Variants in LRBA observed in about 807,000 individuals in gnomAD.
The protein encoded by LRBA is LPS responsive beige-like anchor protein.
Under a neutral mutation model 330.0 loss-of-function variants are expected in LRBA, and 176 were observed. That is an observed-to-expected ratio of 0.53 (90% CI 0.47 to 0.60). The LOEUF is 0.60. LRBA is among the 20% of genes least tolerant of loss of function. The pLI, the probability that LRBA is intolerant of heterozygous loss-of-function variation, is 0.00. For synonymous variants in LRBA, 1,230 were observed against 1,193.0 expected (o/e 1.03, Z -0.64); for missense variants, 3,259 against 3,444.8 (o/e 0.95, Z 1.35).
At chr4:150,516,536 A>G (rs986073400) in intron 40 of LRBA, among the ~76,000 whole-genome samples, 3 of 152,082 alleles carry the variant, frequency 2.0e-5, no homozygotes, top group Admixed American at 1.3e-4. Context: ...CTATTTCATG[A>G]TAAAGGGTTA....
intron 35 of LRBA, among the ~76,000 whole-genome samples, chr4:150,751,451 TC>T (rs888627791): frequency 3.3e-5 from 5 of 152,078 alleles, no homozygotes; most frequent in African/African-American, 1.2e-4. Flanking sequence ...TTTTTGCTAT[TC>T]TAAGGGGTCA....
chr4:150,389,127 TCACAA>T (rs1246686693), intron 47 of LRBA, among the ~76,000 whole-genome samples: 1 of 152,134 alleles, frequency 6.6e-6, no homozygotes, highest in African/African-American at 2.4e-5. Flanking sequence ...TCCAAAAGAA[TCACAA>T]CACAAGATTA....
At chr4:150,423,295 C>T in intron 46 of LRBA, 1 of 804,464 alleles carries the variant, frequency 1.2e-6, no homozygotes, top group South Asian at 1.6e-5. Flanking sequence ...TCCCTTCAAA[C>T]ATTCCTAATC....
intron 37 of LRBA, among the ~76,000 whole-genome samples, chr4:150,609,321 C>T (rs1319246194): frequency 6.6e-6 from 1 of 152,148 alleles, no homozygotes; most frequent in African/African-American, 2.4e-5. Flanking sequence ...GTGGTTGAGA[C>T]AAGAGTTCTT....
chr4:150,792,486 C>A (rs946586827), intron 34 of LRBA, among the ~76,000 whole-genome samples: 1 of 152,048 alleles, frequency 6.6e-6, no homozygotes, highest in Non-Finnish European at 1.5e-5. Context: ...ATAAATTATA[C>A]CTCAATAAAG....
rs577209673 is a variant in LRBA, at chr4:150,556,244, T to C, written c.6330+31804A>G. On this transcript the variant is annotated intron_variant, in intron 40 of 56. Coordinates refer to ENST00000651943, the MANE Select transcript of LRBA (RefSeq NM_001364905.1). ...TACAGTTAACACTTATTTTTATACA[T>C]TTGTTCTAAATATTCAAAAAACTAA... Among the ~76,000 whole-genome samples, 24 of 152,342 alleles carry C rather than the reference T, an allele frequency of 1.6e-4. No individual in the cohort carries two copies. The South Asian group carries it at 4.8e-3, about 30-fold the overall frequency.
intron 40 of LRBA, among the ~76,000 whole-genome samples, chr4:150,528,662 G>A (rs78339603): frequency 6.6e-6 from 1 of 152,020 alleles, no homozygotes; most frequent in Non-Finnish European, 1.5e-5. Context: ...CAAGGAACGA[G>A]GTAGAGGATT....
rs372949000 is a variant in LRBA at position 150,282,566 on chromosome 4, G to A, written c.8200C>T (p.Leu2734Phe). 1.6e-4 allele frequency: 262 copies of A among 1,614,030 alleles called. 2 individuals carry two copies. In the South Asian group the frequency reaches 2.1e-3, roughly 13 times the overall value. The change falls in exon 55 of 57, where the codon CTC (leucine) becomes TTC (phenylalanine). Residue 2734 changes from leucine to phenylalanine, a missense_variant. Physicochemically the swap from Leu to Phe is conservative, Grantham distance 22. Transcript: ENST00000651943. ...TGACCCTCTCTTGAAGCCTGAATGA[G>A]TTTTGGTTTCAGGCAGTTTTCAGGA... ...EGPENCLKPK[L>F]IQASREGHCV...
At chr4:150,855,130 C>A (rs186441548) in intron 22 of LRBA, among the ~76,000 whole-genome samples, 7 of 152,252 alleles carry the variant, frequency 4.6e-5, no homozygotes, top group East Asian at 3.9e-4. Flanking sequence ...TGGTGGCACA[C>A]ACCTGTAATC....
chr4:150,718,698 T>C (rs946074733), intron 36 of LRBA, among the ~76,000 whole-genome samples: 3 of 152,158 alleles, frequency 2.0e-5, no homozygotes, highest in Non-Finnish European at 2.9e-5. Context: ...TCTTGTTTTA[T>C]TTAGAAATTT....
intron 40 of LRBA, among the ~76,000 whole-genome samples, chr4:150,546,023 G>A (rs1259329509): frequency 6.6e-6 from 1 of 151,986 alleles, no homozygotes; most frequent in African/African-American, 2.4e-5. Context: ...AAGCTCTGAA[G>A]GCATGTAAGA....
chr4:150,482,236 T>C (rs1757377224), intron 42 of LRBA, among the ~76,000 whole-genome samples: 1 of 152,134 alleles, frequency 6.6e-6, no homozygotes, highest in Non-Finnish European at 1.5e-5. Context: ...CTCTGTTTTC[T>C]GTCCCTAACA....
chr4:150,293,863 G>A (rs991176274), intron 53 of LRBA, among the ~76,000 whole-genome samples: 3 of 152,150 alleles, frequency 2.0e-5, no homozygotes, highest in Non-Finnish European at 4.4e-5. Context: ...TCTTTATGAT[G>A]ATCTACTTCC....
At chr4:150,867,070 T>A (rs1469244446) in intron 22 of LRBA, among the ~76,000 whole-genome samples, 3 of 144,650 alleles carry the variant, frequency 2.1e-5, no homozygotes, top group African/African-American at 5.2e-5. Context: ...CAAAAAAGAA[T>A]TTAAGCTATA....
intron 42 of LRBA, among the ~76,000 whole-genome samples, chr4:150,487,279 T>C (rs1409398503): frequency 1.3e-5 from 2 of 150,766 alleles, no homozygotes; most frequent in Non-Finnish European, 3.0e-5. Context: ...TATATATGTA[T>C]CTTTGAAAAG....
intron 40 of LRBA, among the ~76,000 whole-genome samples, chr4:150,504,388 T>A (rs982680857): frequency 1.3e-5 from 2 of 152,228 alleles, no homozygotes; most frequent in African/African-American, 2.4e-5. Flanking sequence ...GCCTAAAGGC[T>A]GATCTTTCAG....
chr4:150,275,342 T>TG (rs1553987407), intron 56 of LRBA, among the ~76,000 whole-genome samples: 4 of 152,058 alleles, frequency 2.6e-5, no homozygotes, highest in African/African-American at 4.8e-5. Flanking sequence ...GGGCAAAAAC[T>TG]GAAGCATTCC....
At chr4:150,867,085 A>G (rs1752801155) in intron 22 of LRBA, among the ~76,000 whole-genome samples, 2 of 151,132 alleles carry the variant, frequency 1.3e-5, no homozygotes, top group Admixed American at 6.6e-5. Context: ...GCTATATATA[A>G]ATAACTAAAC....
intron 36 of LRBA, among the ~76,000 whole-genome samples, chr4:150,717,503 A>ATTGTT (rs1728360229): frequency 6.6e-6 from 1 of 151,514 alleles, no homozygotes; most frequent in South Asian, 2.1e-4. Flanking sequence ...CAAAAAACAA[A>ATTGTT]ACAAAAATTA....
Sources: gnomAD v4.1 joint callset for allele counts (sites outside exome capture counted in the v4.1 genomes callset) on GRCh38, gnomAD v4.1.1 for gene constraint, MANE v1.5 for transcripts, NCBI Gene and HGNC (gene_info 2026-07-23, HGNC 2026-07-21) for gene names.